The following ERBIN variants were observed in gnomAD, a reference collection of about 807,000 sequenced individuals.
The protein encoded by ERBIN is densin-180-like protein.
In ERBIN, 60 loss-of-function variants were observed where a neutral mutation model predicts 158.4. The ratio of observed to expected loss-of-function variants is 0.38; its 90% CI spans 0.31 to 0.47. The LOEUF (loss-of-function observed/expected upper bound fraction) is 0.47, where lower values mean the gene tolerates loss of function less well. Ranked by LOEUF, ERBIN falls within the 20% of genes least tolerant of loss-of-function variation. ERBIN has a pLI of 0.99. For synonymous variants in ERBIN, 594 were observed against 557.2 expected (o/e 1.07, Z -0.93); for missense variants, 1,610 against 1,648.0 (o/e 0.98, Z 0.40).
At chr5:66,062,319 TC>T (rs1339338548) in intron 21 of ERBIN, among the ~76,000 whole-genome samples, 3 of 152,240 alleles carry the variant, frequency 2.0e-5, no homozygotes, top group African/African-American at 7.2e-5. Context: ...TACCCTTTCT[TC>T]CAGTTGATCG....
At chr5:66,038,583 C>A in intron 15 of ERBIN, 101 bp downstream of exon 15, 2 of 809,280 alleles carry the variant, frequency 2.5e-6, no homozygotes, top group Non-Finnish European at 3.8e-6. Flanking sequence ...TTTGATGGGA[C>A]TTCAGAGAAT....
At chr5:65,938,808 C>T (rs1165530011) in intron 1 of ERBIN, among the ~76,000 whole-genome samples, 2 of 152,080 alleles carry the variant, frequency 1.3e-5, no homozygotes, top group Admixed American at 1.3e-4. Context: ...GCCTCAGCCT[C>T]CCAAAGTGCC....
At chr5:66,062,317 C>T (rs866609603) in intron 21 of ERBIN, among the ~76,000 whole-genome samples, 1 of 152,238 alleles carries the variant, frequency 6.6e-6, no homozygotes, top group African/African-American at 2.4e-5. Context: ...GATACCCTTT[C>T]TTCCAGTTGA....
chr5:66,060,590 T>A (rs1760167573), intron 21 of ERBIN, among the ~76,000 whole-genome samples: 2 of 152,202 alleles, frequency 1.3e-5, no homozygotes, highest in African/African-American at 2.4e-5. Flanking sequence ...AGTTTTTGAA[T>A]GTGTTTGCTC....
At chr5:66,002,988 T>C (rs547361435) in intron 4 of ERBIN, among the ~76,000 whole-genome samples, 1 of 152,244 alleles carries the variant, frequency 6.6e-6, no homozygotes, top group East Asian at 1.9e-4. Context: ...AAATGTAGAC[T>C]GTTAACTGGA....
chr5:66,018,450 T>C (rs1343351223), intron 7 of ERBIN, among the ~76,000 whole-genome samples: 1 of 31,316 alleles, frequency 3.2e-5, no homozygotes, highest in African/African-American at 1.1e-4. Context: ...TAATATAATA[T>C]ATATTATATT....
intron 1 of ERBIN, among the ~76,000 whole-genome samples, chr5:65,979,167 C>G (rs1750365784): frequency 6.6e-6 from 1 of 152,250 alleles, no homozygotes. Flanking sequence ...TGGCTTATGC[C>G]TGTAATCCTA....
intron 21 of ERBIN, among the ~76,000 whole-genome samples, chr5:66,067,380 G>T (rs1294854866): frequency 6.6e-6 from 1 of 152,140 alleles, no homozygotes; most frequent in African/African-American, 2.4e-5. Context: ...TGATATTTCT[G>T]TATTAATAAC....
At chr5:66,001,627 C>T (rs570842204) in intron 4 of ERBIN, among the ~76,000 whole-genome samples, 122 of 152,176 alleles carry the variant, frequency 8.0e-4, no homozygotes, top group Non-Finnish European at 1.4e-3. Context: ...TGAAATGGAT[C>T]AGTCTAGGAA....
At chr5:65,936,191 T>C (rs1360424883) in intron 1 of ERBIN, among the ~76,000 whole-genome samples, 3 of 152,194 alleles carry the variant, frequency 2.0e-5, no homozygotes, top group South Asian at 2.1e-4. Flanking sequence ...GGTATGTTTG[T>C]AGTAGGACCA....
chr5:66,047,335 A>G (rs996067966), intron 18 of ERBIN, among the ~76,000 whole-genome samples: 1 of 152,068 alleles, frequency 6.6e-6, no homozygotes, highest in African/African-American at 2.4e-5. Flanking sequence ...GAATAATACT[A>G]CATTGTGTAT....
intron 9 of ERBIN, 77 bp downstream of exon 9, chr5:66,023,441 ATTAC>A (rs1755905746): frequency 2.6e-6 from 2 of 767,194 alleles, no homozygotes; most frequent in Admixed American, 2.7e-5. Flanking sequence ...ACCTTTTATA[ATTAC>A]TTTTAATTAA....
chr5:66,069,083 G>T, intron 21 of ERBIN: 1 of 1,361,950 alleles, frequency 7.3e-7, no homozygotes, highest in Non-Finnish European at 9.6e-7. Flanking sequence ...AATTTTAAGT[G>T]TTTTAATGTT....
At chr5:66,071,722 AT>A (rs372294339) in intron 21 of ERBIN, among the ~76,000 whole-genome samples, 2,100 of 133,288 alleles carry the variant, frequency 0.016, 14 homozygotes, top group African/African-American at 0.028. Flanking sequence ...ACAGCAGTTA[AT>A]TTTTTTTTTT....
At chr5:66,035,177 C>T (rs1002260879) in intron 14 of ERBIN, among the ~76,000 whole-genome samples, 2 of 152,190 alleles carry the variant, frequency 1.3e-5, no homozygotes, top group African/African-American at 4.8e-5. Flanking sequence ...TCCCTACTTT[C>T]TCCTGAAATT....
rs137863468 is a variant in ERBIN at position 66,039,451 on chromosome 5, A to G, written c.1306+969A>G. ...TAGAGGATGCTTACCCTTACTTCCT[A>G]TTTTCCAGAAATCATCTTCAGAGAC... On this transcript the variant is annotated intron_variant, in intron 15 of 25. Transcript: ENST00000284037. 3.9e-5 allele frequency among the ~76,000 whole-genome samples: 6 copies of G among 151,976 alleles called. No homozygotes were observed. The South Asian group carries it at 6.2e-4, about 16-fold the overall frequency.
intron 19 of ERBIN, among the ~76,000 whole-genome samples, 154 bp from the exon 20 acceptor site, chr5:66,050,629 G>C (rs923448759): frequency 1.3e-5 from 2 of 151,812 alleles, no homozygotes; most frequent in African/African-American, 4.8e-5. Flanking sequence ...CTTTGTATTA[G>C]GACTGAATTT....
intron 21 of ERBIN, among the ~76,000 whole-genome samples, chr5:66,070,662 T>C (rs952741894): frequency 1.3e-5 from 2 of 152,058 alleles, no homozygotes; most frequent in Non-Finnish European, 2.9e-5. Context: ...AATTCATTTA[T>C]GTATTCTAAA....
chr5:66,070,777 A>G (rs562288657), intron 21 of ERBIN, among the ~76,000 whole-genome samples: 3 of 152,368 alleles, frequency 2.0e-5, no homozygotes, highest in East Asian at 3.9e-4. Flanking sequence ...CTAACTGCAC[A>G]TGATAGATGT....
Sources: allele counts gnomAD v4.1 joint callset (sites outside exome capture counted in the v4.1 genomes callset), GRCh38; gene constraint gnomAD v4.1.1; transcripts MANE v1.5; gene names NCBI Gene and HGNC (gene_info 2026-07-23, HGNC 2026-07-21).